Variants in TDRD1 observed in about 807,000 individuals in gnomAD.
TDRD1 encodes the protein tudor domain containing 1.
TDRD1 carries 37 observed loss-of-function variants against 140.6 expected under a neutral mutation model. The observed-to-expected ratio is 0.26, with a 90% CI of 0.20 to 0.35. The LOEUF is 0.35. TDRD1 is among the 10% of genes least tolerant of loss of function. The pLI is 1.00. For synonymous variants in TDRD1, 506 were observed against 475.7 expected (o/e 1.06, Z -0.83); for missense variants, 1,243 against 1,393.0 (o/e 0.89, Z 1.71).
At chr10:114,211,495 A>C (rs924271604) in intron 13 of TDRD1, among the ~76,000 whole-genome samples, 5 of 152,202 alleles carry the variant, frequency 3.3e-5, no homozygotes, top group Admixed American at 6.5e-5. Flanking sequence ...TGGTTAGTGG[A>C]GTCTGGTTGA....
chr10:114,231,447 T>G (rs1351507613), intron 25 of TDRD1: 1 of 1,549,404 alleles, frequency 6.5e-7, no homozygotes, highest in Admixed American at 1.9e-5. Flanking sequence ...TGAGTTTTTG[T>G]GTAAGGCATA....
chr10:114,226,008 C>T, intron 21 of TDRD1, 41 bp from the exon 22 acceptor site: 2 of 1,566,104 alleles, frequency 1.3e-6, no homozygotes, highest in Non-Finnish European at 1.8e-6. Context: ...GGAGGAATCA[C>T]TGACTGTAAG....
rs2035090625 is a variant in TDRD1, at chr10:114,206,233, T to A, written c.1298-11T>A. ...TCTCAATGGAGGCATATTTTCTTAA[T>A]CACTTTTTAGGAAAACTTTTAGACC... On this transcript the variant is annotated splice_polypyrimidine_tract_variant and intron_variant, in intron 10 of 25. Coordinates refer to ENST00000251864, the Ensembl canonical transcript of TDRD1. The A allele has an allele frequency of 2.5e-6, 4 of 1,605,540 alleles. No homozygotes were observed. Among genetic ancestry groups the A allele is most frequent in the Non-Finnish European group, 2.6e-6 (3 of 1,173,716 alleles).
At chr10:114,199,212 C>G in exon 4 of TDRD1, 1 of 1,613,916 alleles carries the variant, frequency 6.2e-7, no homozygotes, top group South Asian at 1.1e-5. Flanking sequence ...ATCAAAAAAA[C>G]TAAACAAGTT....
chr10:114,180,218 C>G (rs1347697578), intron 1 of TDRD1, among the ~76,000 whole-genome samples: 1 of 152,172 alleles, frequency 6.6e-6, no homozygotes, highest in East Asian at 1.9e-4. Flanking sequence ...AATAGCTGCC[C>G]TTTAAGCCCT....
At chr10:114,192,649 G>A (rs1199657683) in intron 3 of TDRD1, among the ~76,000 whole-genome samples, 2 of 152,060 alleles carry the variant, frequency 1.3e-5, no homozygotes, top group Non-Finnish European at 2.9e-5. Context: ...TTAATTTTAA[G>A]TTAAGAAACT....
At chr10:114,212,127 C>A in intron 14 of TDRD1, 91 bp downstream of exon 14, 1 of 1,165,458 alleles carries the variant, frequency 8.6e-7, no homozygotes, top group Non-Finnish European at 1.2e-6. Flanking sequence ...AGCTGCTTCT[C>A]AAAACAACAT....
At chr10:114,218,220 A>G (rs553134848) in intron 17 of TDRD1, among the ~76,000 whole-genome samples, 194 bp from the exon 18 acceptor site, 1 of 152,350 alleles carries the variant, frequency 6.6e-6, no homozygotes, top group South Asian at 2.1e-4. Flanking sequence ...CATTTTGGAG[A>G]TAGTCTAAAA....
chr10:114,218,443 A>C, exon 18 of TDRD1: 2 of 1,604,654 alleles, frequency 1.2e-6, no homozygotes, highest in South Asian at 2.2e-5. Context: ...TGCTTTAGTC[A>C]AGGAAATCTT....
chr10:114,216,151 T>A (rs944200827), intron 16 of TDRD1, among the ~76,000 whole-genome samples: 1 of 152,212 alleles, frequency 6.6e-6, no homozygotes, highest in Non-Finnish European at 1.5e-5. Flanking sequence ...CGTGGCACAT[T>A]TGTCGCAACA....
At chr10:114,212,210 A>G (rs2035529934) in intron 14 of TDRD1, among the ~76,000 whole-genome samples, 174 bp downstream of exon 14, 2 of 152,172 alleles carry the variant, frequency 1.3e-5, no homozygotes, top group South Asian at 2.1e-4. Context: ...TTCCATGTCA[A>G]TTAGTTGGCT....
At chr10:114,227,884 A>T in intron 23 of TDRD1, 26 bp from the exon 24 acceptor site, 3 of 1,602,202 alleles carry the variant, frequency 1.9e-6, no homozygotes, top group Non-Finnish European at 2.6e-6. Flanking sequence ...GTGTTATCTA[A>T]TGGCTTATTT....
At chr10:114,218,944 T>C (rs2035973212) in intron 18 of TDRD1, among the ~76,000 whole-genome samples, 1 of 152,152 alleles carries the variant, frequency 6.6e-6, no homozygotes, top group Admixed American at 6.5e-5. Flanking sequence ...ATTACACCAC[T>C]GATAATAATG....
At chr10:114,182,707 A>C (rs1189477219) in intron 1 of TDRD1, among the ~76,000 whole-genome samples, 1 of 124,216 alleles carries the variant, frequency 8.1e-6, no homozygotes, top group South Asian at 2.4e-4. Context: ...TTTTTTTTTG[A>C]GACAGTCTTG....
intron 20 of TDRD1, 47 bp downstream of exon 20, chr10:114,221,523 G>T (rs984092979): frequency 3.2e-6 from 5 of 1,574,496 alleles, no homozygotes; most frequent in Admixed American, 1.8e-5. Context: ...CTTTTAAACT[G>T]TAAAACGAAA....
chr10:114,227,183 A>G, exon 23 of TDRD1: 1 of 1,613,452 alleles, frequency 6.2e-7, no homozygotes, highest in Admixed American at 1.7e-5. Context: ...AAGAATGTCC[A>G]TACAGTGTCA....
intron 3 of TDRD1, among the ~76,000 whole-genome samples, chr10:114,197,093 C>T (rs754731346): frequency 3.9e-4 from 60 of 152,120 alleles, no homozygotes; most frequent in Non-Finnish European, 7.4e-4. Flanking sequence ...GTGATCCCAC[C>T]TGCCTCAGCC....
At chr10:114,232,382 A>C (rs1013718026), downstream of TDRD1, 21 of 151,674 alleles carry the variant, frequency 1.4e-4, no homozygotes, top group African/African-American at 4.8e-4. Context: ...AACCACGCAT[A>C]TGCAGAATTA....
Position 114,221,484 on chromosome 10 carries a change from A to G in TDRD1, c.2890+8A>G. Reference sequence around the variant, plus strand: ...TACCAAAAGGGATGCCAGGTAAGAAACCAAAATTTGAGACATATTTATGCT... The same window carrying G: ...TACCAAAAGGGATGCCAGGTAAGAAGCCAAAATTTGAGACATATTTATGCT... On this transcript the variant is annotated splice_region_variant and intron_variant, in intron 20 of 25. Coordinates refer to ENST00000251864, the Ensembl canonical transcript of TDRD1. 2.5e-6 allele frequency: 4 copies of G among 1,610,490 alleles called. No homozygotes were observed. Among genetic ancestry groups the G allele is most frequent in the Non-Finnish European group, 8.5e-7 (1 of 1,178,802 alleles).
Sources: allele counts gnomAD v4.1 joint callset (sites outside exome capture counted in the v4.1 genomes callset), GRCh38; gene constraint gnomAD v4.1.1; transcripts MANE v1.5; gene names NCBI Gene and HGNC (gene_info 2026-07-23, HGNC 2026-07-21).